Variants in IL20RA observed in about 807,000 individuals in gnomAD.
IL20RA encodes interleukin-20 receptor subunit alpha.
Under a neutral mutation model 36.5 loss-of-function variants are expected in IL20RA, and 29 were observed. That is an observed-to-expected ratio of 0.79 (90% CI 0.59 to 1.08). IL20RA has a LOEUF of 1.08. Ranked by LOEUF, IL20RA falls within the 50% of genes least tolerant of loss-of-function variation. IL20RA has a pLI of 0.00. For missense variants in IL20RA, 652 were observed against 668.4 expected (o/e 0.98, Z 0.27); for synonymous variants, 279 against 267.1 (o/e 1.04, Z -0.43).
intron 1 of IL20RA, among the ~76,000 whole-genome samples, chr6:137,022,878 G>A (rs1775952496): frequency 6.6e-6 from 1 of 152,222 alleles, no homozygotes; most frequent in Non-Finnish European, 1.5e-5. Flanking sequence ...GGACCACCAG[G>A]AGTTGGAAGA....
intron 5 of IL20RA, among the ~76,000 whole-genome samples, chr6:137,005,823 T>C (rs2115367112): frequency 6.6e-6 from 1 of 152,246 alleles, no homozygotes; most frequent in South Asian, 2.1e-4. Context: ...GAGTCTACCT[T>C]TGGGTGCGAA....
intron 1 of IL20RA, among the ~76,000 whole-genome samples, chr6:137,020,101 T>C (rs1288400146): frequency 1.3e-5 from 2 of 152,256 alleles, no homozygotes; most frequent in Non-Finnish European, 2.9e-5. Flanking sequence ...CTTGGATCAT[T>C]TGCATGGGCA....
chr6:137,025,420 C>T (rs1053864862), intron 1 of IL20RA, among the ~76,000 whole-genome samples: 5 of 152,180 alleles, frequency 3.3e-5, no homozygotes, highest in Admixed American at 2.6e-4. Flanking sequence ...TTGGACTTCC[C>T]AGCCTTAGAA....
chr6:137,002,043 G>A lies in IL20RA; in HGVS notation c.1177C>T (p.Pro393Ser). The A allele has an allele frequency of 1.9e-6, 3 of 1,614,136 alleles. No individual in the cohort carries two copies. Among genetic ancestry groups the A allele is most frequent in the South Asian group, 1.1e-5 (1 of 91,076 alleles). The stretch of plus-strand genomic sequence containing the variant: ...TATTCAATGACTGTTTTATCCGGGG[G>A]TATTGTTCTGCTGAGGGACTCTTGC... ...TQQESLSRTIPPDKTVIEYEY... is the reference protein window; with the variant it reads ...TQQESLSRTISPDKTVIEYEY... Residue 393 changes from proline (P) to serine (S), a missense_variant, in exon 7 of 7, where the codon CCC becomes TCC. Coordinates refer to ENST00000316649, the MANE Select transcript of IL20RA (RefSeq NM_014432.4).
At chr6:137,002,764 C>A (rs1024044153) in intron 6 of IL20RA, among the ~76,000 whole-genome samples, 1 of 152,176 alleles carries the variant, frequency 6.6e-6, no homozygotes, top group Non-Finnish European at 1.5e-5. Flanking sequence ...GTTTGCTATG[C>A]ACTTGTTAAT....
intron 2 of IL20RA, 65 bp downstream of exon 2, chr6:137,016,903 A>G (rs866501408): frequency 1.6e-5 from 23 of 1,425,292 alleles, no homozygotes; most frequent in Middle Eastern, 2.1e-4. Flanking sequence ...GTTTATCTTT[A>G]CACAATTCAC....
rs1775919731 is a variant in IL20RA, at chr6:137,021,846, C to A, written c.89-4743G>T. Among the ~76,000 whole-genome samples the A allele has an allele frequency of 2.0e-5, 3 of 152,122 alleles. No homozygotes were observed. In the South Asian group the frequency reaches 6.2e-4, roughly 32 times the overall value. On this transcript the variant is annotated intron_variant, in intron 1 of 6. Transcript: ENST00000316649. ...TACTTACTAAATCCTTACCACACAG[C>A]CAGGATGGTCTATGTGCTTTACACA...
At chr6:137,003,474 T>C (rs1045347843) in intron 6 of IL20RA, among the ~76,000 whole-genome samples, 1 of 152,208 alleles carries the variant, frequency 6.6e-6, no homozygotes, top group African/African-American at 2.4e-5. Context: ...CTCCTAAGTG[T>C]GTTTCCATTC....
intron 1 of IL20RA, among the ~76,000 whole-genome samples, chr6:137,034,482 G>A (rs1582839549): frequency 1.3e-5 from 2 of 152,004 alleles, no homozygotes; most frequent in African/African-American, 2.4e-5. Context: ...CGTATGCCAC[G>A]GTGGTTTGCT....
At chr6:137,012,543 C>CA (rs1775536207) in intron 2 of IL20RA, among the ~76,000 whole-genome samples, 1 of 151,948 alleles carries the variant, frequency 6.6e-6, no homozygotes, top group African/African-American at 2.4e-5. Flanking sequence ...GCCCAGTGGG[C>CA]AATGGGTCTC....
chr6:137,012,355 T>C (rs1010956082), intron 2 of IL20RA, among the ~76,000 whole-genome samples: 1 of 152,196 alleles, frequency 6.6e-6, no homozygotes, highest in African/African-American at 2.4e-5. Flanking sequence ...GTGTTAAGGA[T>C]GCTGTCTCTT....
At chr6:137,035,477 T>G (rs1776463037) in intron 1 of IL20RA, among the ~76,000 whole-genome samples, 1 of 152,252 alleles carries the variant, frequency 6.6e-6, no homozygotes, top group Non-Finnish European at 1.5e-5. Flanking sequence ...TACATTTTAA[T>G]GCAATCACTT....
chr6:137,009,811 G>A lies in IL20RA; in HGVS notation c.404-319C>T, dbSNP rs113251430. ...AGTAGAGACGGGGTTTCATCATGTTGGCCAGGCTTGTCTCGAACTCCTGAT... is the reference window on the plus strand; with the variant it reads ...AGTAGAGACGGGGTTTCATCATGTTAGCCAGGCTTGTCTCGAACTCCTGAT... On this transcript the variant is annotated intron_variant, in intron 3 of 6. Coordinates refer to ENST00000316649, the MANE Select transcript of IL20RA (RefSeq NM_014432.4). 2.6e-3 allele frequency among the ~76,000 whole-genome samples: 389 copies of A among 151,998 alleles called. 1 individual carries two copies. The highest frequency in any genetic ancestry group is 8.6e-3 in the African/African-American group (357 of 41,438).
intron 6 of IL20RA, among the ~76,000 whole-genome samples, chr6:137,004,168 T>A (rs1287715473): frequency 7.9e-6 from 1 of 127,152 alleles, no homozygotes; most frequent in Non-Finnish European, 1.7e-5. Context: ...GCTTTTTTTT[T>A]TTTTTTTTTT....
In IL20RA at chr6:137,001,639, T is replaced by G. The variant is rs1582813711; in HGVS notation, c.1581A>C (p.Pro527=). ...LLSRLYEEPA[P]DRPPGENETY... ...TTTCATTTTCTCCTGGTGGCCTGTC[T>G]GGAGCCGGCTCCTCATAGAGTCTAG... The change falls in exon 7 of 7, where the codon CCA becomes CCC. Residue 527 remains proline (P), a synonymous_variant. Transcript: ENST00000316649. 1.9e-6 allele frequency: 3 copies of G among 1,613,694 alleles called. No homozygotes were observed. Among genetic ancestry groups the G allele is most frequent in the Non-Finnish European group, 2.5e-6 (3 of 1,179,774 alleles).
Position 137,002,215 on chromosome 6 carries a change from A to G in IL20RA, c.1005T>C (p.Asp335=). 1 of 1,614,174 alleles carries G rather than the reference A, an allele frequency of 6.2e-7. No individual in the cohort carries two copies. Among genetic ancestry groups the G allele is most frequent in the South Asian group, 1.1e-5 (1 of 91,066 alleles). Reference sequence around the variant, plus strand: ...GCTGAGGATCATTAAGGCTGGATACATCACTGCTTTTTCCCAGTAAACTCA... The same window carrying G: ...GCTGAGGATCATTAAGGCTGGATACGTCACTGCTTTTTCCCAGTAAACTCA... ...QDMSLLGKSS[D]VSSLNDPQPS... is the part of the protein sequence containing the mutation. Residue 335 remains aspartate, a synonymous_variant, in exon 7 of 7, where the codon GAT becomes GAC. Coordinates refer to ENST00000316649, the MANE Select transcript of IL20RA (RefSeq NM_014432.4).
rs368638679 is a variant in IL20RA at position 137,009,469 on chromosome 6, C to A, written c.427G>T (p.Ala143Ser). 1.6e-5 allele frequency: 26 copies of A among 1,612,242 alleles called. No homozygotes were observed. Among genetic ancestry groups the A allele is most frequent in the African/African-American group, 5.3e-5 (4 of 74,838 alleles). Residue 143 changes from alanine to serine, a missense_variant, in exon 4 of 7, where the codon GCA (alanine) becomes TCA (serine). Ala to Ser is a moderately conservative substitution (Grantham distance 99, BLOSUM62 1). Coordinates refer to ENST00000316649, the MANE Select transcript of IL20RA (RefSeq NM_014432.4). The part of the protein sequence containing the change: ...LETQIGPPEV[A>S]LTTDEKSISV... ...ATGGACTTCTCATCTGTAGTCAGTG[C>A]CACCTCTGGTGGGCCAATTTGTGCT...
rs1191883701 is a variant in IL20RA at position 137,004,618 on chromosome 6, C to T, written c.864+3G>A. 1 of 1,613,618 alleles carries T rather than the reference C, an allele frequency of 6.2e-7. No homozygotes were observed. Among genetic ancestry groups the T allele is most frequent in the East Asian group, 2.2e-5 (1 of 44,892 alleles). On this transcript the variant is annotated splice_donor_region_variant and intron_variant, in intron 6 of 6. Transcript: ENST00000316649. ...AAAGAACCCTGCCACACCAAGTACTCACCAAATTTGCTGGGTGTTTCTCTT... is the reference window on the plus strand; with the variant it reads ...AAAGAACCCTGCCACACCAAGTACTTACCAAATTTGCTGGGTGTTTCTCTT...
chr6:137,043,729 CG>C (rs1333744931), intron 1 of IL20RA, among the ~76,000 whole-genome samples: 1 of 152,146 alleles, frequency 6.6e-6, no homozygotes, highest in Admixed American at 6.5e-5. Flanking sequence ...TAAAAGACAG[CG>C]GGGCCTGAAC....
Sources: gnomAD v4.1 joint callset for allele counts (sites outside exome capture counted in the v4.1 genomes callset) on GRCh38, gnomAD v4.1.1 for gene constraint, MANE v1.5 for transcripts, NCBI Gene and HGNC (gene_info 2026-07-23, HGNC 2026-07-21) for gene names.